Variants in CADM2 observed in about 807,000 individuals in gnomAD.
CADM2 encodes cell adhesion molecule 2, also known as immunoglobulin superfamily member 4D.
A neutral mutation model predicts 49.8 loss-of-function variants in CADM2; 12 were observed. The ratio of observed to expected loss-of-function variants is 0.24; its 90% CI spans 0.15 to 0.39. CADM2 has a LOEUF of 0.39. Ranked by LOEUF, CADM2 falls within the 10% of genes least tolerant of loss-of-function variation. CADM2 has a pLI of 1.00. For missense variants in CADM2, 378 were observed against 492.3 expected, an observed-to-expected ratio of 0.77 and a Z score of 2.20; for synonymous variants, 214 against 175.4, an observed-to-expected ratio of 1.22 and a Z score of -1.74.
intron 8 of CADM2, among the ~76,000 whole-genome samples, chr3:85,965,560 C>A (rs72910593): frequency 0.036 from 5,519 of 151,372 alleles, 336 homozygotes; most frequent in African/African-American, 0.13. Context: ...ATTAGGTTAA[C>A]GCTATTGAAA....
At chr3:85,624,381 G>T (rs1245342593) in intron 1 of CADM2, among the ~76,000 whole-genome samples, 1 of 151,930 alleles carries the variant, frequency 6.6e-6, no homozygotes, top group African/African-American at 2.4e-5. Context: ...CATCCAGGCT[G>T]GAGTGCAGTG....
At chr3:85,577,166 C>T (rs750358434) in intron 1 of CADM2, among the ~76,000 whole-genome samples, 4 of 152,114 alleles carry the variant, frequency 2.6e-5, no homozygotes, top group Non-Finnish European at 5.9e-5. Context: ...TGTGCATTCA[C>T]CATTCATAAA....
chr3:86,020,179 C>G (rs955009925), intron 8 of CADM2, among the ~76,000 whole-genome samples: 25 of 152,204 alleles, frequency 1.6e-4, no homozygotes, highest in African/African-American at 6.0e-4. Flanking sequence ...CACAGAAATA[C>G]AAACTACCAT....
At chr3:85,620,793 A>T (rs543596223) in intron 1 of CADM2, among the ~76,000 whole-genome samples, 16 of 152,242 alleles carry the variant, frequency 1.1e-4, no homozygotes, top group African/African-American at 3.6e-4. Flanking sequence ...CAATTTGTCT[A>T]GTCCTACCTC....
chr3:86,060,860 T>C (rs1359730613), intron 8 of CADM2, among the ~76,000 whole-genome samples: 3 of 151,928 alleles, frequency 2.0e-5, no homozygotes, highest in Non-Finnish European at 4.4e-5. Flanking sequence ...TGCACGTCTG[T>C]AGTCCCAGCT....
intron 1 of CADM2, among the ~76,000 whole-genome samples, chr3:85,020,924 C>T (rs2034474368): frequency 6.6e-6 from 1 of 151,760 alleles, no homozygotes; most frequent in South Asian, 2.1e-4. Flanking sequence ...ATTCAAAATT[C>T]ATATTATATG....
chr3:85,668,552 T>A (rs1178069647), intron 1 of CADM2, among the ~76,000 whole-genome samples: 1 of 152,062 alleles, frequency 6.6e-6, no homozygotes, highest in Non-Finnish European at 1.5e-5. Flanking sequence ...TCCATGCTGT[T>A]CTCATGATAG....
chr3:85,687,864 G>C (rs2066262201), intron 1 of CADM2, among the ~76,000 whole-genome samples: 1 of 152,212 alleles, frequency 6.6e-6, no homozygotes, highest in Non-Finnish European at 1.5e-5. Context: ...CTGTACAGCA[G>C]GAGGTGAGCG....
chr3:85,605,812 T>C (rs530650687), intron 1 of CADM2, among the ~76,000 whole-genome samples: 1 of 152,230 alleles, frequency 6.6e-6, no homozygotes, highest in South Asian at 2.1e-4. Flanking sequence ...CCTTAAGTCT[T>C]TGCTAAACCT....
intron 1 of CADM2, among the ~76,000 whole-genome samples, chr3:85,247,430 C>T (rs2042675408): frequency 6.6e-6 from 1 of 152,100 alleles, no homozygotes; most frequent in East Asian, 1.9e-4. Context: ...GAGAAGCACA[C>T]TATAATTTAC....
At chr3:85,099,960 T>C (rs906692697) in intron 1 of CADM2, among the ~76,000 whole-genome samples, 1 of 152,212 alleles carries the variant, frequency 6.6e-6, no homozygotes, top group Non-Finnish European at 1.5e-5. Context: ...TGAATTTTAT[T>C]TATTCCATAC....
At chr3:85,364,706 G>A (rs1436801044) in intron 1 of CADM2, among the ~76,000 whole-genome samples, 1 of 152,154 alleles carries the variant, frequency 6.6e-6, no homozygotes, top group Non-Finnish European at 1.5e-5. Context: ...GTTACAGTGG[G>A]TTCAAGTTCA....
chr3:85,871,504 C>G (rs528747998), intron 3 of CADM2, among the ~76,000 whole-genome samples: 1 of 152,058 alleles, frequency 6.6e-6, no homozygotes, highest in Non-Finnish European at 1.5e-5. Context: ...CATCTGTGCT[C>G]AGATATATAT....
chr3:86,054,126 C>T (rs1335875990), intron 8 of CADM2, among the ~76,000 whole-genome samples: 1 of 151,798 alleles, frequency 6.6e-6, no homozygotes, highest in Admixed American at 6.6e-5. Flanking sequence ...CAGAGAACAT[C>T]TATTTAAGCT....
chr3:84,999,497 T>C (rs2033345687), intron 1 of CADM2, among the ~76,000 whole-genome samples: 1 of 152,160 alleles, frequency 6.6e-6, no homozygotes, highest in African/African-American at 2.4e-5. Context: ...AGATAGATGG[T>C]ACTTATGTAC....
At chr3:84,961,274 A>G (rs2030481843) in intron 1 of CADM2, among the ~76,000 whole-genome samples, 1 of 152,146 alleles carries the variant, frequency 6.6e-6, no homozygotes, top group South Asian at 2.1e-4. Flanking sequence ...TTATTTATGC[A>G]TATTTATGAA....
intron 6 of CADM2, among the ~76,000 whole-genome samples, chr3:85,927,837 AT>A (rs63690563): frequency 0.31 from 47,246 of 151,766 alleles, 8,417 homozygotes; most frequent in East Asian, 0.42. Flanking sequence ...GTTGTTTTTT[AT>A]TTTATTTTTT....
chr3:85,313,953 C>T (rs1323818295), intron 1 of CADM2, among the ~76,000 whole-genome samples: 1 of 152,148 alleles, frequency 6.6e-6, no homozygotes, highest in Non-Finnish European at 1.5e-5. Flanking sequence ...TGCAGTCGTG[C>T]GATCTCGACT....
intron 1 of CADM2, among the ~76,000 whole-genome samples, chr3:85,435,220 A>G (rs2036869974): frequency 6.6e-6 from 1 of 151,846 alleles, no homozygotes; most frequent in African/African-American, 2.4e-5. Context: ...CTCCATGTCC[A>G]TGTGTTCTCA....
Sources: gnomAD v4.1 joint callset for allele counts (sites outside exome capture counted in the v4.1 genomes callset) on GRCh38, gnomAD v4.1.1 for gene constraint, MANE v1.5 for transcripts, NCBI Gene and HGNC (gene_info 2026-07-23, HGNC 2026-07-21) for gene names.